The following RORA variants were observed in gnomAD, a reference collection of about 807,000 sequenced individuals.
The protein encoded by RORA is RAR related orphan receptor A.
Under a neutral mutation model 69.5 loss-of-function variants are expected in RORA, and 7 were observed. The ratio of observed to expected loss-of-function variants is 0.10; its 90% confidence interval spans 0.06 to 0.19. The LOEUF (loss-of-function observed/expected upper bound fraction) is 0.19. RORA is among the 10% of genes least tolerant of loss of function. RORA has a pLI of 1.00. For missense variants in RORA, 457 were observed against 663.0 expected, an observed-to-expected ratio of 0.69 and a Z score of 3.41; for synonymous variants, 261 against 240.8, an observed-to-expected ratio of 1.08 and a Z score of -0.78.
At chr15:60,940,601 A>C (rs1422849899) in intron 1 of RORA, among the ~76,000 whole-genome samples, 1 of 152,176 alleles carries the variant, frequency 6.6e-6, no homozygotes, top group African/African-American at 2.4e-5. Context: ...GTAAACAATA[A>C]CCAAAATTCA....
intron 1 of RORA, among the ~76,000 whole-genome samples, chr15:61,043,366 T>C (rs1896875144): frequency 6.6e-6 from 1 of 152,140 alleles, no homozygotes; most frequent in Non-Finnish European, 1.5e-5. Context: ...AGAACTCCAG[T>C]TCAGTCCTTT....
intron 1 of RORA, among the ~76,000 whole-genome samples, chr15:60,922,976 C>G (rs1389269476): frequency 6.6e-6 from 1 of 152,198 alleles, no homozygotes; most frequent in Admixed American, 6.5e-5. Flanking sequence ...GGTGTGATAT[C>G]TGGTGTCACT....
At chr15:60,942,376 T>C (rs567700791) in intron 1 of RORA, among the ~76,000 whole-genome samples, 58 of 152,362 alleles carry the variant, frequency 3.8e-4, no homozygotes, top group Non-Finnish European at 7.5e-4. Flanking sequence ...TATTGTCAAA[T>C]TCTGGTTTGT....
chr15:60,615,613 G>A (rs951939056), intron 2 of RORA, among the ~76,000 whole-genome samples: 20 of 152,202 alleles, frequency 1.3e-4, no homozygotes, highest in African/African-American at 4.8e-4. Context: ...GTGAGCTCAC[G>A]ATAGCCCAGG....
At chr15:60,709,782 A>C (rs1424408848) in intron 1 of RORA, among the ~76,000 whole-genome samples, 1 of 152,064 alleles carries the variant, frequency 6.6e-6, no homozygotes, top group Non-Finnish European at 1.5e-5. Context: ...ACAATGTAAT[A>C]ATAATAGCAA....
At chr15:60,738,459 C>T (rs75308235) in intron 1 of RORA, among the ~76,000 whole-genome samples, 4,196 of 152,320 alleles carry the variant, frequency 0.028, 211 homozygotes, top group African/African-American at 0.097. Context: ...AATTCAGGGC[C>T]TCAGGGCCAC....
intron 1 of RORA, among the ~76,000 whole-genome samples, chr15:60,703,519 C>A (rs1225041242): frequency 6.6e-6 from 1 of 152,142 alleles, no homozygotes; most frequent in African/African-American, 2.4e-5. Context: ...AAATTATGAT[C>A]ATCCCACTGT....
intron 1 of RORA, among the ~76,000 whole-genome samples, chr15:60,736,358 G>C (rs74630297): frequency 8.9e-4 from 136 of 152,238 alleles, no homozygotes; most frequent in African/African-American, 3.2e-3. Context: ...AACCCATTCT[G>C]TCTCCCTCTT....
intron 1 of RORA, among the ~76,000 whole-genome samples, chr15:60,908,066 CAT>C (rs1891596851): frequency 6.6e-6 from 1 of 152,218 alleles, no homozygotes; most frequent in African/African-American, 2.4e-5. Context: ...ACACTGACCA[CAT>C]GTGTCTGGGG....
chr15:61,126,687 A>G (rs2140832660), intron 1 of RORA, among the ~76,000 whole-genome samples: 1 of 152,310 alleles, frequency 6.6e-6, no homozygotes, highest in South Asian at 2.1e-4. Flanking sequence ...ACTCTCCCAC[A>G]TACACCTGAT....
intron 1 of RORA, among the ~76,000 whole-genome samples, chr15:60,946,814 G>C (rs1480728543): frequency 6.6e-6 from 1 of 151,888 alleles, no homozygotes; most frequent in Non-Finnish European, 1.5e-5. Context: ...ATCCCGTCTA[G>C]GAAGTGAGGA....
chr15:60,626,180 T>A (rs1370116096), intron 2 of RORA, among the ~76,000 whole-genome samples: 1 of 152,186 alleles, frequency 6.6e-6, no homozygotes, highest in South Asian at 2.1e-4. Context: ...GGTGTCTGTT[T>A]GAGCTCAACC....
rs372932498 is a variant in RORA at position 61,147,763 on chromosome 15, A to ACG, written c.166+81288_166+81289dup. On this transcript the variant is annotated intron_variant, in intron 1 of 10. Coordinates refer to ENST00000335670, the MANE Select transcript of RORA (RefSeq NM_134261.3). The surrounding 1 kb of genome is among the most constrained non-coding windows in gnomAD (Gnocchi z 4.1). The stretch of plus-strand genomic sequence containing the variant: ...TGATGGTCAGTAGGCACGTGCGCAC[A>ACG]CGCGTGTGTGTGTGTGTGTGTGTGT... Among the ~76,000 whole-genome samples the ACG allele has an allele frequency of 0.26, 19,066 of 74,728 alleles. 1,348 individuals are homozygous for ACG. The highest frequency in any genetic ancestry group is 0.35 in the Non-Finnish European group (11,190 of 31,622). 49.0% of individuals were successfully genotyped at this position (74,728 alleles called of 152,430 possible). A position where few individuals can be genotyped will look rare whatever the true frequency, so the allele number is the denominator to read the frequency against.
rs147477276 is a variant in RORA, at chr15:61,056,803, C to T, written c.166+172250G>A. Among the ~76,000 whole-genome samples the T allele has an allele frequency of 4.2e-3, 641 of 152,274 alleles. 5 individuals carry two copies. Among genetic ancestry groups the T allele is most frequent in the South Asian group, 7.7e-3 (37 of 4,820 alleles). On this transcript the variant is annotated intron_variant, in intron 1 of 10. Transcript: ENST00000335670. ...GGCAGACACCCGTCCAGTTTCCTTC[C>T]GCAAATAGTCACCAATCACTACTTC...
intron 1 of RORA, among the ~76,000 whole-genome samples, chr15:60,985,436 A>G (rs962195314): frequency 6.6e-6 from 1 of 152,180 alleles, no homozygotes; most frequent in Admixed American, 6.5e-5. Context: ...CAATCAGTAT[A>G]TCTAATCCAA....
chr15:60,808,938 G>A (rs1018458155), intron 1 of RORA, among the ~76,000 whole-genome samples: 2 of 152,010 alleles, frequency 1.3e-5, no homozygotes, highest in South Asian at 2.1e-4. Flanking sequence ...ACCAAACATC[G>A]TATGTTCTCA....
chr15:60,838,029 C>T lies in RORA; in HGVS notation c.167-159343G>A, dbSNP rs540259782. 3.9e-5 allele frequency among the ~76,000 whole-genome samples: 6 copies of T among 152,224 alleles called. No homozygotes were observed. The South Asian group carries it at 1.0e-3, about 26-fold the overall frequency. ...CCCGGCTCTATCCCATGAAGAGGAG[C>T]GTAGTGGACCATCCAGATCCTTCAA... On this transcript the variant is annotated intron_variant, in intron 1 of 10. Transcript: ENST00000335670.
At chr15:61,228,389 C>A (rs2080168105) in intron 1 of RORA, among the ~76,000 whole-genome samples, 1 of 152,042 alleles carries the variant, frequency 6.6e-6, no homozygotes, top group Non-Finnish European at 1.5e-5. Context: ...GAACAGCTCG[C>A]CCGCCCGCAC....
chr15:60,493,305 A>T lies in RORA; in HGVS notation c.*4150T>A, dbSNP rs1443827358. On this transcript the variant is annotated 3_prime_UTR_variant, in exon 11 of 11. Transcript: ENST00000335670. ...CCAAAAACAAAAGGCAAAACAAAAA[A>T]AACCAAAAAACAAAAAAACCCCAAA... 2 of 152,164 alleles carry T rather than the reference A, an allele frequency of 1.3e-5. No individual in the cohort carries two copies. Among genetic ancestry groups the T allele is most frequent in the African/African-American group, 2.4e-5 (1 of 41,434 alleles). The allele number at this position is 152,164 out of a possible 1,614,324, so 9.4% of individuals were successfully genotyped here.
Sources: gnomAD v4.1 joint callset for allele counts (sites outside exome capture counted in the v4.1 genomes callset) on GRCh38, gnomAD v4.1.1 for gene constraint, Gnocchi (gnomAD v3.1) non-coding constraint, MANE v1.5 for transcripts, NCBI Gene and HGNC (gene_info 2026-07-23, HGNC 2026-07-21) for gene names.